The following CFAP97 variants were observed in gnomAD, a reference collection of about 807,000 sequenced individuals.
CFAP97 encodes cilia- and flagella-associated protein 97.
CFAP97 carries 36 observed loss-of-function variants against 43.1 expected under a neutral mutation model. That is an observed-to-expected ratio of 0.84 (90% CI 0.64 to 1.10). The LOEUF (loss-of-function observed/expected upper bound fraction) is 1.10. Ranked by LOEUF, CFAP97 falls within the 50% of genes least tolerant of loss-of-function variation. The pLI, the probability that CFAP97 is intolerant of heterozygous loss-of-function variation, is 0.00. For missense variants in CFAP97, 657 were observed against 620.3 expected (o/e 1.06, Z -0.63); for synonymous variants, 228 against 225.7 (o/e 1.01, Z -0.09).
At chr4:185,197,086 G>C (rs1320061408) in intron 1 of CFAP97, among the ~76,000 whole-genome samples, 1 of 128,064 alleles carries the variant, frequency 7.8e-6, no homozygotes, top group Non-Finnish European at 1.6e-5. Context: ...GCAATAGAGC[G>C]AGACTCCCTC....
At chr4:185,198,453 A>AAAAGAAGC (rs112625173) in intron 1 of CFAP97, among the ~76,000 whole-genome samples, 1 of 147,380 alleles carries the variant, frequency 6.8e-6, no homozygotes, top group Admixed American at 6.8e-5. Context: ...AAAAAAAAAA[A>AAAAGAAGC]AAAGAAAGAA....
At chr4:185,168,613 G>C (rs1170380613) in intron 3 of CFAP97, among the ~76,000 whole-genome samples, 1 of 151,406 alleles carries the variant, frequency 6.6e-6, no homozygotes, top group Non-Finnish European at 1.5e-5. Flanking sequence ...AACAATAAAA[G>C]ACCAGGCACG....
rs1297714818 is a variant in CFAP97 at position 185,162,875 on chromosome 4, G to A, written c.1522C>T (p.Arg508Ter). The A allele has an allele frequency of 1.9e-6, 3 of 1,610,870 alleles. No homozygotes were observed. The highest frequency in any genetic ancestry group is 1.1e-5 in the South Asian group (1 of 90,260). ...ATSGLSCRSERSAVDPSSGHP... is the reference protein window; with the variant it reads ...ATSGLSCRSE Reference sequence around the variant, plus strand: ...CCACTGGAGGGGTCAACCGCTGATCGCTCACTCCTACAACTGAGACCACTC... The same window carrying A: ...CCACTGGAGGGGTCAACCGCTGATCACTCACTCCTACAACTGAGACCACTC... The change falls in exon 5 of 5, where the codon CGA (arginine) becomes TGA (stop). Residue 508 changes from arginine (R) to a stop codon, truncating the protein, a stop_gained. Coordinates refer to ENST00000458385, the MANE Select transcript of CFAP97 (RefSeq NM_020827.3). LOFTEE classifies it high-confidence loss of function.
upstream of CFAP97, among the ~76,000 whole-genome samples, chr4:185,205,557 C>T (rs764519902): frequency 3.3e-5 from 5 of 152,120 alleles, no homozygotes; most frequent in African/African-American, 4.8e-5. Flanking sequence ...TGGCCCGGCG[C>T]GGTGGCTCAC....
rs923046104 is a variant in CFAP97 at position 185,160,492 on chromosome 4, T to G, written c.*2306A>C. The G allele has an allele frequency of 6.6e-6, 1 of 152,138 alleles. No individual in the cohort carries two copies. The highest frequency in any genetic ancestry group is 1.5e-5 in the Non-Finnish European group (1 of 68,004). 9.4% of individuals were successfully genotyped at this position (152,138 alleles called of 1,614,324 possible). A position where few individuals can be genotyped will look rare whatever the true frequency, so the allele number is the denominator to read the frequency against. ...TGTCCCTTAAACTATAACAACTTCATAGCATCTTGACTTAGAATATACCAC... is the reference window on the plus strand; with the variant it reads ...TGTCCCTTAAACTATAACAACTTCAGAGCATCTTGACTTAGAATATACCAC... On this transcript the variant is annotated 3_prime_UTR_variant, in exon 5 of 5. Coordinates refer to ENST00000458385, the MANE Select transcript of CFAP97 (RefSeq NM_020827.3).
intron 1 of CFAP97, among the ~76,000 whole-genome samples, chr4:185,193,887 G>GATAAATAAATAAATAAATAAATAA (rs71593607): frequency 2.0e-3 from 301 of 147,778 alleles, no homozygotes; most frequent in East Asian, 0.014. Context: ...GACTCCATCT[G>GATAAATAAATAAATAAATAAATAA]ATAAATAAAT....
intron 2 of CFAP97, among the ~76,000 whole-genome samples, chr4:185,185,271 G>A (rs1273481496): frequency 2.0e-5 from 3 of 151,886 alleles, no homozygotes; most frequent in Non-Finnish European, 4.4e-5. Context: ...TGAACGAAGA[G>A]CAATGCAGCA....
intron 1 of CFAP97, among the ~76,000 whole-genome samples, chr4:185,198,493 T>A (rs1417942845): frequency 6.8e-6 from 1 of 146,666 alleles, no homozygotes; most frequent in Non-Finnish European, 1.5e-5. Context: ...CTCTATCACA[T>A]AAAAGTACAA....
chr4:185,198,883 A>G (rs1736685958), intron 1 of CFAP97, among the ~76,000 whole-genome samples: 1 of 152,224 alleles, frequency 6.6e-6, no homozygotes, highest in African/African-American at 2.4e-5. Flanking sequence ...TGTGACTACA[A>G]TAAACATCAG....
intron 2 of CFAP97, among the ~76,000 whole-genome samples, chr4:185,185,712 C>T (rs1735981166): frequency 6.9e-6 from 1 of 144,466 alleles, no homozygotes; most frequent in African/African-American, 2.6e-5. Context: ...TCTCAGTTCA[C>T]TGCAACCTCC....
intron 3 of CFAP97, among the ~76,000 whole-genome samples, chr4:185,165,772 C>T (rs930155188): frequency 1.3e-5 from 2 of 152,146 alleles, no homozygotes; most frequent in African/African-American, 4.8e-5. Flanking sequence ...TACACCCACA[C>T]TGTTGTGAAA....
At chr4:185,164,268 T>G in intron 3 of CFAP97, 89 bp from the exon 4 acceptor site, 1 of 1,250,600 alleles carries the variant, frequency 8.0e-7, no homozygotes, top group Non-Finnish European at 1.1e-6. Context: ...ACATTCACTT[T>G]CTTTCTTTTT....
chr4:185,174,465 G>C (rs189947111), intron 3 of CFAP97, among the ~76,000 whole-genome samples: 1 of 152,110 alleles, frequency 6.6e-6, no homozygotes, highest in Admixed American at 6.6e-5. Flanking sequence ...CCCAACTCTT[G>C]GGGTTAGTAT....
intron 3 of CFAP97, chr4:185,168,933 A>G (rs188684591): frequency 6.6e-6 from 1 of 152,136 alleles, no homozygotes; most frequent in African/African-American, 2.4e-5. Flanking sequence ...AAAAAGGTGC[A>G]ATTTTGGGTA....
At chr4:185,182,166 T>C (rs1165713432) in intron 2 of CFAP97, 1 of 152,094 alleles carries the variant, frequency 6.6e-6, no homozygotes, top group Non-Finnish European at 1.5e-5. Context: ...CTATACAAAA[T>C]ATGAAACATA....
intron 2 of CFAP97, among the ~76,000 whole-genome samples, chr4:185,180,256 T>G (rs1409443452): frequency 3.3e-5 from 5 of 152,188 alleles, no homozygotes; most frequent in Non-Finnish European, 7.3e-5. Context: ...TTTATTTTTT[T>G]ATTGTGGCAA....
At chr4:185,189,134 G>T (rs983565533) in intron 2 of CFAP97, among the ~76,000 whole-genome samples, 1 of 152,206 alleles carries the variant, frequency 6.6e-6, no homozygotes, top group Non-Finnish European at 1.5e-5. Context: ...GTACTCAGGA[G>T]GCTGAGGCAG....
rs769383688 is a variant in CFAP97 at position 185,190,510 on chromosome 4, C to A, written c.687G>T (p.Ser229=). 6.2e-6 allele frequency: 10 copies of A among 1,613,706 alleles called. No individual in the cohort carries two copies. The South Asian group carries it at 9.9e-5, about 16-fold the overall frequency. Residue 229 remains serine, a synonymous_variant, in exon 2 of 5, where the codon TCG becomes TCT. Transcript: ENST00000458385. ...TAGTACTTGAAGGCTGTGTTTCTGT[C>A]GATTTTATTCCTGATTTATACTTGT... ...PKHKYKSGIK[S]TETQPSSTTP...
chr4:185,188,189 CG>C (rs2111380631), intron 2 of CFAP97, among the ~76,000 whole-genome samples: 1 of 152,082 alleles, frequency 6.6e-6, no homozygotes, highest in South Asian at 2.1e-4. Flanking sequence ...GCACCGTGCT[CG>C]GCCGCTATTA....
Sources: allele counts gnomAD v4.1 joint callset (sites outside exome capture counted in the v4.1 genomes callset), GRCh38; gene constraint gnomAD v4.1.1; transcripts MANE v1.5; gene names NCBI Gene and HGNC (gene_info 2026-07-23, HGNC 2026-07-21).